MBTPS2: variants seen among roughly 807,000 people sequenced by gnomAD.
The protein encoded by MBTPS2 is membrane-bound transcription factor site-2 protease.
A neutral mutation model predicts 35.4 loss-of-function variants in MBTPS2; 2 were observed. The ratio of observed to expected loss-of-function variants is 0.06; its 90% CI spans 0.02 to 0.18. The LOEUF (loss-of-function observed/expected upper bound fraction) is 0.18. MBTPS2 is among the 10% of genes least tolerant of loss of function. The pLI, the probability that MBTPS2 is intolerant of heterozygous loss-of-function variation, is 1.00. For synonymous variants in MBTPS2, 125 were observed against 140.4 expected (o/e 0.89, Z 0.77); for missense variants, 244 against 386.5 (o/e 0.63, Z 3.09).
At chrX:21,868,781 T>C (rs1324786065) in intron 6 of MBTPS2, among the ~76,000 whole-genome samples, 196 bp downstream of exon 6, 1 of 112,677 alleles carries the variant, frequency 8.9e-6, no homozygotes, top group African/African-American at 3.2e-5. Flanking sequence ...TCATGAAAAT[T>C]GTTTTTGTCC....
chrX:21,867,256 T>A (rs778002618), intron 5 of MBTPS2, among the ~76,000 whole-genome samples: 1 of 112,056 alleles, frequency 8.9e-6, no homozygotes, highest in Admixed American at 9.5e-5. Context: ...GAAAATGTAT[T>A]GTAAATTAAA....
At position 21,845,294 on chromosome X, in the gene MBTPS2, C is replaced by T. The variant is rs754566056; in HGVS notation, c.348C>T (p.Ser116=). ...ACTCTCCCTCTTCTTATTCTTCCTC[C>T]TCTTCTTCCTCTTCCTCCTCTTCTT... ...MADSPSSYSS[S]SSSSSSSSSS... The change falls in exon 3 of 11, where the codon TCC becomes TCT. Residue 116 remains serine, a synonymous_variant. Transcript: ENST00000379484. 8.4e-7 allele frequency: 1 copy of T among 1,194,820 alleles called. No individual in the cohort carries two copies. Among genetic ancestry groups the T allele is most frequent in the Non-Finnish European group, 1.1e-6 (1 of 880,697 alleles).
At chrX:21,857,123 C>T (rs1280941385) in intron 5 of MBTPS2, 1 of 1,211,785 alleles carries the variant, frequency 8.3e-7, no homozygotes, top group Admixed American at 2.2e-5. Context: ...ATTCCGAGTA[C>T]TTGAAAGGGA....
intron 3 of MBTPS2, among the ~76,000 whole-genome samples, chrX:21,846,532 G>A (rs1264520949): frequency 1.1e-4 from 12 of 111,374 alleles, no homozygotes; most frequent in African/African-American, 1.6e-4. Context: ...CACCACGCCT[G>A]GCTAATTTTG....
Position 21,884,418 on chromosome X carries a change from A to T in MBTPS2, c.*1763A>T, listed in dbSNP as rs943179794. 5.8e-5 allele frequency: 41 copies of T among 707,389 alleles called. No homozygotes were observed. The highest frequency in any genetic ancestry group is 6.9e-5 in the Non-Finnish European group (41 of 597,475). The allele number at this position is 707,389 out of a possible 1,213,427, so 58.3% of individuals were successfully genotyped here. On this transcript the variant is annotated 3_prime_UTR_variant, in exon 11 of 11. Transcript: ENST00000379484. ...GCAATTTTACTAATGAAAAGGTTGT[A>T]TATGTGCAAGTCACTTTTTTAAAAA...
rs577424036 is a variant in MBTPS2, at chrX:21,855,579, G to A, written c.670+2076G>A. 1.3e-3 allele frequency among the ~76,000 whole-genome samples: 148 copies of A among 109,841 alleles called. 3 individuals carry two copies. In the South Asian group the frequency reaches 0.053, roughly 39 times the overall value. ...CCCGAGTAGCTAGGATTACAGGCAC[G>A]AGCCACCACGCCCAGCTAATTTTTG... On this transcript the variant is annotated intron_variant, in intron 5 of 10. Transcript: ENST00000379484.
chrX:21,869,488 T>A lies in MBTPS2; in HGVS notation c.790-10T>A. On this transcript the variant is annotated splice_polypyrimidine_tract_variant and intron_variant, in intron 6 of 10. Transcript: ENST00000379484. ...TGCATTATCTGATTTGGTTTTACCCTCTTCCCAAGGACTCTCCTGCCATTG... is the reference window on the plus strand; with the variant it reads ...TGCATTATCTGATTTGGTTTTACCCACTTCCCAAGGACTCTCCTGCCATTG... 8.3e-7 allele frequency: 1 copy of A among 1,204,066 alleles called. No homozygotes were observed. Among genetic ancestry groups the A allele is most frequent in the East Asian group, 3.0e-5 (1 of 33,842 alleles).
Position 21,853,505 on chromosome X carries a change from T to TA in MBTPS2, c.670+4dup. The TA allele has an allele frequency of 8.3e-7, 1 of 1,208,902 alleles. No individual in the cohort carries two copies. The highest frequency in any genetic ancestry group is 1.7e-5 in the African/African-American group (1 of 57,714). ...AGCAGCTAAGGATATTTTGTGCAGG[T>TA]AACAGACTTAATTTTGTTTTAATAT... On this transcript the variant is annotated splice_region_variant and intron_variant, in intron 5 of 10. Transcript: ENST00000379484.
chrX:21,853,048 T>C (rs993262993), intron 4 of MBTPS2, among the ~76,000 whole-genome samples: 4 of 111,245 alleles, frequency 3.6e-5, no homozygotes, highest in African/African-American at 1.3e-4. Flanking sequence ...ATGTTTTTCA[T>C]TTAGTTTCTC....
Position 21,856,505 on chromosome X carries a change from C to T in MBTPS2, c.670+3002C>T, listed in dbSNP as rs376078662. ...CAGCCATGGCCTCCAACGAAGATTT[C>T]TCCATCACACAAGACCTGGAGATCC... is the stretch of plus-strand genomic sequence containing the variant. On this transcript the variant is annotated intron_variant, in intron 5 of 10. Transcript: ENST00000379484. 5.0e-6 allele frequency: 6 copies of T among 1,208,989 alleles called. No homozygotes were observed. The East Asian group carries it at 8.9e-5, about 18-fold the overall frequency.
rs768077088 is a variant in MBTPS2, at chrX:21,869,695, A to T, written c.970+17A>T. On this transcript the variant is annotated intron_variant, in intron 7 of 10. Coordinates refer to ENST00000379484, the MANE Select transcript of MBTPS2 (RefSeq NM_015884.4). ...CAGTTAGAGGTGTGTATATTTCCTCAATATAATATAATGCTTCAAGCACCA... is the reference window on the plus strand; with the variant it reads ...CAGTTAGAGGTGTGTATATTTCCTCTATATAATATAATGCTTCAAGCACCA... The T allele has an allele frequency of 8.9e-7, 1 of 1,119,094 alleles. No individual in the cohort carries two copies. The highest frequency in any genetic ancestry group is 1.8e-5 in the South Asian group (1 of 54,943). 92.2% of individuals were successfully genotyped at this position (1,119,094 alleles called of 1,213,427 possible). A position where few individuals can be genotyped will look rare whatever the true frequency, so the allele number is the denominator to read the frequency against.
Position 21,885,285 on chromosome X carries a change from T to A in MBTPS2, c.*2630T>A. The A allele has an allele frequency of 6.6e-6, 5 of 752,075 alleles. No individual in the cohort carries two copies. Among genetic ancestry groups the A allele is most frequent in the Non-Finnish European group, 7.8e-6 (5 of 637,169 alleles). 62.0% of individuals were successfully genotyped at this position (752,075 alleles called of 1,213,427 possible). ...TATTTATTGAATGTTCACATACTAA[T>A]GGTGCACAGGTGTTTTTTTCTATAA... On this transcript the variant is annotated 3_prime_UTR_variant, in exon 11 of 11. Transcript: ENST00000379484.
intron 1 of MBTPS2, among the ~76,000 whole-genome samples, chrX:21,842,201 T>C (rs910747892): frequency 8.9e-6 from 1 of 111,973 alleles, no homozygotes; most frequent in Non-Finnish European, 1.9e-5. Context: ...CAAAATCCTA[T>C]ATTAGTCAAG....
Position 21,884,380 on chromosome X carries a change from T to C in MBTPS2, c.*1725T>C, listed in dbSNP as rs1341552492. The C allele has an allele frequency of 2.2e-5, 15 of 673,030 alleles. No individual in the cohort carries two copies. Among genetic ancestry groups the C allele is most frequent in the Non-Finnish European group, 2.6e-5 (15 of 566,044 alleles). The allele number at this position is 673,030 out of a possible 1,213,427, so 55.5% of individuals were successfully genotyped here. On this transcript the variant is annotated 3_prime_UTR_variant, in exon 11 of 11. Coordinates refer to ENST00000379484, the MANE Select transcript of MBTPS2 (RefSeq NM_015884.4). ...TGAAATACTTATATAATTAATTTGA[T>C]TGCATGAACTAAGCAATTTTACTAA... is the stretch of plus-strand genomic sequence containing the variant.
intron 5 of MBTPS2, chrX:21,856,330 T>A: frequency 2.0e-6 from 1 of 498,083 alleles, no homozygotes; most frequent in Non-Finnish European, 3.4e-6. Flanking sequence ...CGCCTTTCTC[T>A]GCAGCTCGCG....
chrX:21,857,762 A>G lies in MBTPS2; in HGVS notation c.670+4259A>G, dbSNP rs763964207. On this transcript the variant is annotated intron_variant, in intron 5 of 10. Coordinates refer to ENST00000379484, the MANE Select transcript of MBTPS2 (RefSeq NM_015884.4). ...TGTTTTGTTAGAGTAGTAAAAATAG[A>G]ATTTAAACGTTTTTAAAAAGGTAAA... 11 of 590,708 alleles carry G rather than the reference A, an allele frequency of 1.9e-5. No individual in the cohort carries two copies. The African/African-American group carries it at 2.3e-4, about 12-fold the overall frequency. The allele number at this position is 590,708 out of a possible 1,213,427, so 48.7% of individuals were successfully genotyped here.
At chrX:21,841,563 G>A (rs1224002441) in intron 1 of MBTPS2, among the ~76,000 whole-genome samples, 1 of 112,600 alleles carries the variant, frequency 8.9e-6, no homozygotes, top group African/African-American at 3.2e-5. Context: ...TACTTGGGAG[G>A]AAGAGGCGGG....
intron 5 of MBTPS2, among the ~76,000 whole-genome samples, chrX:21,864,949 C>T (rs1602147609): frequency 9.6e-6 from 1 of 103,677 alleles, no homozygotes; most frequent in East Asian, 3.0e-4. Flanking sequence ...GGTACAATCA[C>T]CGCTCACTGC....
chrX:21,851,674 T>C (rs754905311), intron 4 of MBTPS2, 62 bp downstream of exon 4: 84 of 763,208 alleles, frequency 1.1e-4, no homozygotes, highest in Non-Finnish European at 1.5e-4. Context: ...TTTAGGAGGA[T>C]TTATTACTAA....
Sources: gnomAD v4.1 joint callset for allele counts (sites outside exome capture counted in the v4.1 genomes callset) on GRCh38, gnomAD v4.1.1 for gene constraint, MANE v1.5 for transcripts, NCBI Gene and HGNC (gene_info 2026-07-23, HGNC 2026-07-21) for gene names.